The following MAB21L4 variants were observed in gnomAD, a reference collection of about 807,000 sequenced individuals.
MAB21L4 encodes the protein mab-21 like 4.
A neutral mutation model predicts 32.4 loss-of-function variants in MAB21L4; 25 were observed. The ratio of observed to expected loss-of-function variants is 0.77; its 90% CI spans 0.56 to 1.08. The LOEUF is 1.08. MAB21L4 is among the 50% of genes least tolerant of loss of function. MAB21L4 has a pLI of 0.00. For synonymous variants in MAB21L4, 280 were observed against 276.8 expected, an observed-to-expected ratio of 1.01 and a Z score of -0.11; for missense variants, 638 against 611.0, an observed-to-expected ratio of 1.04 and a Z score of -0.47.
intron 1 of MAB21L4, among the ~76,000 whole-genome samples, chr2:240,892,940 C>T (rs62186561): frequency 0.54 from 82,036 of 152,082 alleles, 23,288 homozygotes; most frequent in African/African-American, 0.73. Context: ...GCCTCTGCCT[C>T]AGTTGCCCTA....
Position 240,888,601 on chromosome 2 carries a change from C to CCTG in MAB21L4, c.941_942insCAG (p.Trp314delinsCysArg). 1 of 1,602,604 alleles carries CCTG rather than the reference C, an allele frequency of 6.2e-7. No homozygotes were observed. The highest frequency in any genetic ancestry group is 8.5e-7 in the Non-Finnish European group (1 of 1,175,170). On this transcript the variant is annotated protein_altering_variant, in exon 4 of 5. Coordinates refer to ENST00000388934, the MANE Select transcript of MAB21L4 (RefSeq NM_001085437.3). ...GGTACACGGCGCCCTGCAGTTCTGC[C>CCTG]CAGTCCTCGGGCGCCAGGAAGAGCA...
At chr2:240,891,918 A>G in intron 1 of MAB21L4, 155 bp from the exon 2 acceptor site, 1 of 1,572,404 alleles carries the variant, frequency 6.4e-7, no homozygotes, top group Non-Finnish European at 8.6e-7. Context: ...GCAGCTCCCC[A>G]ACCCCAGACA....
rs769001091 is a variant in MAB21L4, at chr2:240,891,768, A to C, written c.515-5T>G. ...GGCTGGCCGCGTTCAGCGAACCTGC[A>C]AAGACCCAAGTCACGCCGGCCCCTC... On this transcript the variant is annotated splice_polypyrimidine_tract_variant and splice_region_variant and intron_variant, in intron 1 of 4. Transcript: ENST00000388934. 1.9e-6 allele frequency: 3 copies of C among 1,607,036 alleles called. No individual in the cohort carries two copies. Among genetic ancestry groups the C allele is most frequent in the Non-Finnish European group, 2.5e-6 (3 of 1,177,696 alleles).
chr2:240,889,658 C>A (rs368294565), intron 3 of MAB21L4, among the ~76,000 whole-genome samples: 5 of 152,342 alleles, frequency 3.3e-5, no homozygotes, highest in African/African-American at 1.2e-4. Context: ...GTGACATTCC[C>A]AGACACTGGG....
chr2:240,886,688 A>G lies in MAB21L4; in HGVS notation c.*382T>C, dbSNP rs2059098066. ...CCTTTCTGCTGTGTATACCCAGCAC[A>G]TTCATTTTTTCAAAACCAAATATAC... is the stretch of plus-strand genomic sequence containing the variant. On this transcript the variant is annotated 3_prime_UTR_variant, in exon 5 of 5. Coordinates refer to ENST00000388934, the MANE Select transcript of MAB21L4 (RefSeq NM_001085437.3). 5.2e-6 allele frequency: 1 copy of G among 192,608 alleles called. No individual in the cohort carries two copies. The highest frequency in any genetic ancestry group is 1.1e-5 in the Non-Finnish European group (1 of 94,840). The allele number at this position is 192,608 out of a possible 1,614,324, so 11.9% of individuals were successfully genotyped here.
Position 240,886,437 on chromosome 2 carries a change from G to C in MAB21L4, c.*633C>G, listed in dbSNP as rs975891854. ...TATCAGGGGCCACTTCCACGGGGAC[G>C]GGAAGAAGCAGATGGGAGTAGTCCT... On this transcript the variant is annotated 3_prime_UTR_variant, in exon 5 of 5. Transcript: ENST00000388934. 1 of 152,208 alleles carries C rather than the reference G, an allele frequency of 6.6e-6. No homozygotes were observed. Among genetic ancestry groups the C allele is most frequent in the African/African-American group, 2.4e-5 (1 of 41,410 alleles). The allele number at this position is 152,208 out of a possible 1,614,324, so 9.4% of individuals were successfully genotyped here. A position where few individuals can be genotyped will look rare whatever the true frequency, so the allele number is the denominator to read the frequency against.
chr2:240,887,275 G>A (rs145078376), intron 4 of MAB21L4, 113 bp from the exon 5 acceptor site: 8,414 of 832,758 alleles, frequency 0.01, 67 homozygotes, highest in Non-Finnish European at 0.012. Context: ...GCCATGCCGG[G>A]CCTTCCTGCC....
At position 240,895,328 on chromosome 2, in the gene MAB21L4, G is replaced by A. The variant is rs143046909; in HGVS notation, c.514+156C>T. Among the ~76,000 whole-genome samples the A allele has an allele frequency of 1.2e-3, 182 of 152,350 alleles. 1 individual carries two copies. The highest frequency in any genetic ancestry group is 4.0e-3 in the African/African-American group (168 of 41,586). ...CACAGTGTCACACACGTGCACACATGCCTGTGCGTGCAGTCACACACAGAA... is the reference window on the plus strand; with the variant it reads ...CACAGTGTCACACACGTGCACACATACCTGTGCGTGCAGTCACACACAGAA... On this transcript the variant is annotated intron_variant, in intron 1 of 4. Coordinates refer to ENST00000388934, the MANE Select transcript of MAB21L4 (RefSeq NM_001085437.3).
chr2:240,887,949 T>A (rs928942685), intron 4 of MAB21L4, among the ~76,000 whole-genome samples: 1 of 152,244 alleles, frequency 6.6e-6, no homozygotes, highest in Non-Finnish European at 1.5e-5. Flanking sequence ...TATCCCTTCA[T>A]GAGGAATGGA....
chr2:240,893,724 T>A (rs1027371483), intron 1 of MAB21L4, among the ~76,000 whole-genome samples: 3 of 99,260 alleles, frequency 3.0e-5, no homozygotes, highest in African/African-American at 9.5e-5. Context: ...GTATCGAGTC[T>A]GCTTTCTCAG....
At chr2:240,892,094 C>T (rs1248001032) in intron 1 of MAB21L4, 15 of 1,405,666 alleles carry the variant, frequency 1.1e-5, no homozygotes, top group Non-Finnish European at 1.2e-5. Flanking sequence ...TCACCCCACA[C>T]CCCAGGACCA....
rs532509457 is a variant in MAB21L4, at chr2:240,895,799, C to A, written c.199G>T (p.Ala67Ser). ...FIVDYSRGLE[A>S]FQFALRSSED... ...GAGGAGCGCAGGGCGAACTGGAAGG[C>A]CTCCAGGCCACGGGAGTAGTCCACG... The change falls in exon 1 of 5, where the codon GCC becomes TCC. Residue 67 changes from alanine (A) to serine (S), a missense_variant. Physicochemically the swap from Ala to Ser is moderately conservative, Grantham distance 99. Coordinates refer to ENST00000388934, the MANE Select transcript of MAB21L4 (RefSeq NM_001085437.3). 2 of 1,604,124 alleles carry A rather than the reference C, an allele frequency of 1.2e-6. No homozygotes were observed. The highest frequency in any genetic ancestry group is 1.1e-5 in the South Asian group (1 of 90,242).
chr2:240,891,826 CCCT>C, intron 1 of MAB21L4, 63 bp from the exon 2 acceptor site: 1 of 1,600,370 alleles, frequency 6.2e-7, no homozygotes, highest in Non-Finnish European at 8.5e-7. Context: ...CACTCCACAG[CCCT>C]CCTCCTGCTG....
intron 3 of MAB21L4, among the ~76,000 whole-genome samples, chr2:240,889,324 G>A (rs748028484): frequency 3.3e-5 from 5 of 152,294 alleles, no homozygotes; most frequent in Non-Finnish European, 7.4e-5. Flanking sequence ...TAGGGACTCC[G>A]GACACCAGGA....
chr2:240,895,460 G>A (rs548408369), intron 1 of MAB21L4, 24 bp downstream of exon 1: 43 of 1,504,666 alleles, frequency 2.9e-5, no homozygotes, highest in South Asian at 3.9e-5. Flanking sequence ...GCAGATACGC[G>A]TGCAGAGTGG....
rs757869028 is a variant in MAB21L4, at chr2:240,895,665, C to T, written c.333G>A (p.Leu111=). Residue 111 remains leucine, a synonymous_variant, in exon 1 of 5, where the codon CTG becomes CTA. Transcript: ENST00000388934. The part of the protein sequence containing the change: ...QPEDGLELCH[L]GVPREGAGLE... ...GGCCAGCCCCTTCCCTGGGCACACC[C>T]AGGTGGCATAATTCAAGGCCATCCT... 6.2e-7 allele frequency: 1 copy of T among 1,612,954 alleles called. No homozygotes were observed. Among genetic ancestry groups the T allele is most frequent in the Non-Finnish European group, 8.5e-7 (1 of 1,180,028 alleles).
chr2:240,888,927 A>C (rs2059121464), intron 3 of MAB21L4, among the ~76,000 whole-genome samples: 1 of 149,664 alleles, frequency 6.7e-6, no homozygotes, highest in Admixed American at 6.7e-5. Context: ...ACCCCCCAGG[A>C]CCTCCCTTGG....
intron 1 of MAB21L4, among the ~76,000 whole-genome samples, chr2:240,894,347 T>C (rs1297327761): frequency 6.6e-6 from 1 of 152,112 alleles, no homozygotes; most frequent in Admixed American, 6.5e-5. Flanking sequence ...CCAGTTCCCT[T>C]CCAGGACAAC....
Position 240,891,702 on chromosome 2 carries a change from G to A in MAB21L4, c.576C>T (p.Ser192=), listed in dbSNP as rs764671376. 134 of 1,609,774 alleles carry A rather than the reference G, an allele frequency of 8.3e-5. No individual in the cohort carries two copies. The highest frequency in any genetic ancestry group is 4.5e-4 in the African/African-American group (34 of 74,928). The change falls in exon 2 of 5, where the codon AGC becomes AGT. Residue 192 remains serine (S), a synonymous_variant. Transcript: ENST00000388934. The part of the protein sequence containing the change: ...EQLHLSLLVS[S]GWRTISFHVV... ...CGTGGAAGCTGATTGTTCTCCAGCC[G>A]CTGGACACCAGCAAGGACAGGTGGA... is the stretch of plus-strand genomic sequence containing the variant.
Sources: gnomAD v4.1 joint callset for allele counts (sites outside exome capture counted in the v4.1 genomes callset) on GRCh38, gnomAD v4.1.1 for gene constraint, MANE v1.5 for transcripts, NCBI Gene and HGNC (gene_info 2026-07-23, HGNC 2026-07-21) for gene names.